The following ACTN1 variants were observed in gnomAD, a reference collection of about 807,000 sequenced individuals.
The protein encoded by ACTN1 is actinin alpha 1.
Under a neutral mutation model 119.6 loss-of-function variants are expected in ACTN1, and 30 were observed. The observed-to-expected ratio is 0.25, with a 90% CI of 0.19 to 0.34. The LOEUF (loss-of-function observed/expected upper bound fraction) is 0.34, where lower values mean the gene tolerates loss of function less well. Ranked by LOEUF, ACTN1 falls within the 10% of genes least tolerant of loss-of-function variation. ACTN1 has a pLI of 1.00. For synonymous variants in ACTN1, 429 were observed against 472.6 expected, an observed-to-expected ratio of 0.91 and a Z score of 1.20; for missense variants, 764 against 1,223.4, an observed-to-expected ratio of 0.62 and a Z score of 5.60.
chr14:68,925,971 C>CA lies in ACTN1; in HGVS notation c.106-300dup, dbSNP rs1311884672. 4.6e-5 allele frequency among the ~76,000 whole-genome samples: 7 copies of CA among 152,216 alleles called. No homozygotes were observed. Among genetic ancestry groups the CA allele is most frequent in the Non-Finnish European group, 1.0e-4 (7 of 68,030 alleles). ...CCTCTCTCAAAGACTCATGCCCACC[C>CA]ACATTTGAAAATGCCACAATTCCAT... On this transcript the variant is annotated intron_variant, in intron 1 of 21. Coordinates refer to ENST00000394419, the MANE Select transcript of ACTN1 (RefSeq NM_001130004.2). The surrounding 1 kb of genome is among the most constrained non-coding windows in gnomAD (Gnocchi z 4.3).
At chr14:68,916,778 T>C (rs2034317686) in intron 3 of ACTN1, among the ~76,000 whole-genome samples, 1 of 152,228 alleles carries the variant, frequency 6.6e-6, no homozygotes, top group Non-Finnish European at 1.5e-5. Context: ...AATGTAGACC[T>C]TCTTGGTCTA....
intron 4 of ACTN1, among the ~76,000 whole-genome samples, chr14:68,910,742 C>T (rs944442262): frequency 6.6e-6 from 1 of 152,240 alleles, no homozygotes; most frequent in East Asian, 1.9e-4. Context: ...GGGAGAGAGA[C>T]GGTGGGAGAT....
chr14:68,884,560 A>G (rs2031836543), intron 13 of ACTN1, among the ~76,000 whole-genome samples: 1 of 152,236 alleles, frequency 6.6e-6, no homozygotes, highest in South Asian at 2.1e-4. Context: ...CTAAACTGGG[A>G]GGATGAGACA....
intron 16 of ACTN1, among the ~76,000 whole-genome samples, chr14:68,881,366 A>G (rs1004604798): frequency 2.0e-5 from 3 of 152,112 alleles, no homozygotes; most frequent in African/African-American, 7.2e-5. Context: ...GGATCCTCGT[A>G]GCCTCGGCAG....
At chr14:68,942,175 T>C (rs1265399627) in intron 1 of ACTN1, among the ~76,000 whole-genome samples, 1 of 151,888 alleles carries the variant, frequency 6.6e-6, no homozygotes, top group Non-Finnish European at 1.5e-5. Context: ...CAGAACTTCC[T>C]GCAGGAACCT....
chr14:68,892,850 T>A (rs1304855645), intron 9 of ACTN1, among the ~76,000 whole-genome samples: 3 of 151,894 alleles, frequency 2.0e-5, no homozygotes, highest in Non-Finnish European at 1.5e-5. Context: ...GGGGTGCACA[T>A]GACAATAGGA....
In ACTN1 at chr14:68,890,029, A is replaced by G. The variant is rs960610928; in HGVS notation, c.1234+110T>C. On this transcript the variant is annotated intron_variant, in intron 11 of 21. Transcript: ENST00000394419. Reference sequence around the variant, plus strand: ...TGCCTAAAGCCATGGAACTAGTAAGAGACCAAATGAAACAAATGAAAAGCA... The same window carrying G: ...TGCCTAAAGCCATGGAACTAGTAAGGGACCAAATGAAACAAATGAAAAGCA... The G allele has an allele frequency of 2.0e-6, 3 of 1,477,664 alleles. No homozygotes were observed. The African/African-American group carries it at 4.3e-5, about 21-fold the overall frequency. The allele number at this position is 1,477,664 out of a possible 1,614,324, so 91.5% of individuals were successfully genotyped here.
intron 1 of ACTN1, chr14:68,937,004 T>C: frequency 3.0e-6 from 1 of 330,178 alleles, no homozygotes; most frequent in Non-Finnish European, 5.9e-6. Context: ...TTGAGAGTTT[T>C]CTCCCCTAAC....
chr14:68,925,806 A>G lies in ACTN1; in HGVS notation c.106-134T>C. 1 of 622,256 alleles carries G rather than the reference A, an allele frequency of 1.6e-6. No homozygotes were observed. The highest frequency in any genetic ancestry group is 2.8e-6 in the Non-Finnish European group (1 of 361,694). The allele number at this position is 622,256 out of a possible 1,614,324, so 38.5% of individuals were successfully genotyped here. A position where few individuals can be genotyped will look rare whatever the true frequency, so the allele number is the denominator to read the frequency against. On this transcript the variant is annotated intron_variant, in intron 1 of 21. Coordinates refer to ENST00000394419, the MANE Select transcript of ACTN1 (RefSeq NM_001130004.2). This position sits in a 1 kb window ranked among gnomAD's most constrained non-coding sequence, Gnocchi z 4.3. ...AGCCTCTCAACACAGTTGCCCCACC[A>G]TGGTCTCATTCACTGCATCAACCAA...
At chr14:68,972,165 C>T (rs1182586469) in intron 1 of ACTN1, among the ~76,000 whole-genome samples, 1 of 152,184 alleles carries the variant, frequency 6.6e-6, no homozygotes, top group Admixed American at 6.5e-5. Flanking sequence ...CACCCTCTCC[C>T]CAACCCACCC....
At chr14:68,969,155 A>AGAAAAGAGAGAAAGAGG (rs1398499008) in intron 1 of ACTN1, among the ~76,000 whole-genome samples, 6 of 152,264 alleles carry the variant, frequency 3.9e-5, no homozygotes. Context: ...TCTAAATATA[A>AGAAAAGAGAGAAAGAGG]GAAAAGAGAG....
intron 1 of ACTN1, among the ~76,000 whole-genome samples, chr14:68,947,983 G>A (rs532628714): frequency 1.3e-5 from 2 of 152,146 alleles, no homozygotes; most frequent in Admixed American, 6.5e-5. Flanking sequence ...GCACACAGCC[G>A]GCCCAAGCCA....
intron 1 of ACTN1, among the ~76,000 whole-genome samples, chr14:68,956,695 A>G (rs1156424633): frequency 6.6e-6 from 1 of 152,180 alleles, no homozygotes; most frequent in Non-Finnish European, 1.5e-5. Context: ...AATACAGCTT[A>G]GGCAGGAGGC....
intron 21 of ACTN1, among the ~76,000 whole-genome samples, chr14:68,875,808 A>G (rs995653211): frequency 6.6e-6 from 1 of 152,224 alleles, no homozygotes; most frequent in Non-Finnish European, 1.5e-5. Flanking sequence ...CTCCTCTACA[A>G]AATTAGCCAC....
intron 1 of ACTN1, among the ~76,000 whole-genome samples, chr14:68,970,463 T>C (rs1019149112): frequency 6.6e-6 from 1 of 152,208 alleles, no homozygotes; most frequent in Non-Finnish European, 1.5e-5. Flanking sequence ...AAAATAAACC[T>C]GAGCCTCGGC....
chr14:68,890,390 C>G (rs2032386238), intron 10 of ACTN1, 104 bp from the exon 11 acceptor site: 6 of 1,346,040 alleles, frequency 4.5e-6, no homozygotes, highest in African/African-American at 4.4e-5. Context: ...CCAGGAAGAG[C>G]CTCTTCCCTA....
intron 1 of ACTN1, among the ~76,000 whole-genome samples, chr14:68,975,540 G>T (rs2037032351): frequency 6.6e-6 from 1 of 152,128 alleles, no homozygotes; most frequent in Non-Finnish European, 1.5e-5. Context: ...GCTCTCTCCA[G>T]CTTGACCTAC....
chr14:68,950,294 C>CAA lies in ACTN1; in HGVS notation c.106-24624_106-24623dup, dbSNP rs60899029. On this transcript the variant is annotated intron_variant, in intron 1 of 21. Transcript: ENST00000394419. ...TGGGTGACAGAGTGAGTTGTTGTCT[C>CAA]AAAAAAAAAAAAAAAAAAAAAAAAA... Among the ~76,000 whole-genome samples the CAA allele has an allele frequency of 1.2e-3, 148 of 121,500 alleles. 2 individuals are homozygous for CAA. The highest frequency in any genetic ancestry group is 4.0e-3 in the African/African-American group (124 of 31,048). The allele number at this position is 121,500 out of a possible 152,430, so 79.7% of individuals were successfully genotyped here. A position where few individuals can be genotyped will look rare whatever the true frequency, so the allele number is the denominator to read the frequency against.
intron 3 of ACTN1, among the ~76,000 whole-genome samples, chr14:68,916,735 GA>G (rs149345393): frequency 0.035 from 5,279 of 152,272 alleles, 280 homozygotes; most frequent in African/African-American, 0.12. Context: ...GGGCTTTGTG[GA>G]AAAACCTTGG....
Sources: gnomAD v4.1 joint callset for allele counts (sites outside exome capture counted in the v4.1 genomes callset) on GRCh38, gnomAD v4.1.1 for gene constraint, Gnocchi (gnomAD v3.1) non-coding constraint, MANE v1.5 for transcripts, NCBI Gene and HGNC (gene_info 2026-07-23, HGNC 2026-07-21) for gene names.